The following TLN2 variants were observed in gnomAD, a reference collection of about 807,000 sequenced individuals.
TLN2 encodes talin 2, also known as talin-2.
In TLN2, 118 loss-of-function variants were observed where a neutral mutation model predicts 294.7. The ratio of observed to expected loss-of-function variants is 0.40; its 90% CI spans 0.34 to 0.47. The LOEUF (loss-of-function observed/expected upper bound fraction) is 0.47. Among genes scored for constraint, TLN2 ranks in the 20% least tolerant of loss-of-function variants. The pLI is 0.84. For missense variants in TLN2, 3,083 were observed against 3,282.2 expected (o/e 0.94, Z 1.48); for synonymous variants, 1,431 against 1,304.5 (o/e 1.10, Z -2.09).
chr15:62,595,578 T>C (rs1309825241), intron 2 of TLN2, among the ~76,000 whole-genome samples: 1 of 152,192 alleles, frequency 6.6e-6, no homozygotes, highest in Non-Finnish European at 1.5e-5. Flanking sequence ...ATATGATCCC[T>C]TAATCCAACA....
chr15:62,685,427 T>C (rs74598999), intron 11 of TLN2, among the ~76,000 whole-genome samples: 4,165 of 152,264 alleles, frequency 0.027, 191 homozygotes, highest in African/African-American at 0.095. Flanking sequence ...TTCACTATGA[T>C]GTACTGTGGT....
intron 13 of TLN2, among the ~76,000 whole-genome samples, chr15:62,693,971 T>C (rs8032512): frequency 7.4e-6 from 1 of 134,772 alleles, no homozygotes; most frequent in Non-Finnish European, 1.5e-5. Flanking sequence ...TTTTTTTTTT[T>C]TTTTTTTTTT....
rs1243480747 is a variant in TLN2, at chr15:62,724,976, G to T, written c.3127G>T (p.Ala1043Ser). 1 of 1,610,036 alleles carries T rather than the reference G, an allele frequency of 6.2e-7. No individual in the cohort carries two copies. ...LAELRTASQK[A>S]HEACGPMEID... is the part of the protein sequence containing the mutation. ...TACATATTTCCAACTCTGTTGGCAG[G>T]CCCATGAAGCTTGTGGTCCGATGGA... Residue 1043 changes from alanine (A) to serine (S), a missense_variant and splice_region_variant, in exon 27 of 59, where the codon GCC becomes TCC. Ala to Ser is a moderately conservative substitution (Grantham distance 99). Transcript: ENST00000636159.
At chr15:62,464,271 C>T (rs1353269602) in intron 1 of TLN2, among the ~76,000 whole-genome samples, 2 of 152,148 alleles carry the variant, frequency 1.3e-5, no homozygotes, top group Admixed American at 6.5e-5. Flanking sequence ...ATGTCCTTTG[C>T]AGGGACATGG....
rs376202182 is a variant in TLN2 at position 62,394,213 on chromosome 15, G to A, written c.-238+3528G>A. The stretch of plus-strand genomic sequence containing the variant: ...GTTGCCTGTCTGTTTACCAGTCTGT[G>A]TAGTGGTGTTGTGATGTGTGTGTGG... On this transcript the variant is annotated intron_variant, in intron 1 of 58. Transcript: ENST00000636159. Among the ~76,000 whole-genome samples, 6 of 152,186 alleles carry A rather than the reference G, an allele frequency of 3.9e-5. No homozygotes were observed. In the South Asian group the frequency reaches 6.2e-4, roughly 16 times the overall value.
chr15:62,807,255 T>G (rs4775544), intron 51 of TLN2, among the ~76,000 whole-genome samples: 22 of 152,288 alleles, frequency 1.4e-4, no homozygotes, highest in African/African-American at 5.1e-4. Flanking sequence ...CTGCATGCAT[T>G]GTGGTGTACA....
chr15:62,706,972 C>CT, intron 19 of TLN2, 114 bp from the exon 20 acceptor site: 1 of 1,293,288 alleles, frequency 7.7e-7, no homozygotes, highest in South Asian at 1.9e-5. Flanking sequence ...AGTAAAAAAA[C>CT]TTCTAAAGTA....
At chr15:62,505,123 AT>A (rs200018120) in intron 1 of TLN2, among the ~76,000 whole-genome samples, 1 of 151,616 alleles carries the variant, frequency 6.6e-6, no homozygotes, top group Admixed American at 6.6e-5. Context: ...TGCCCAGCTA[AT>A]TTTTTTGTAT....
chr15:62,582,316 C>T (rs2045197556), intron 1 of TLN2, among the ~76,000 whole-genome samples: 1 of 151,806 alleles, frequency 6.6e-6, no homozygotes, highest in Non-Finnish European at 1.5e-5. Flanking sequence ...GTGTCTGCCC[C>T]AGTTTCTTGG....
At position 62,609,906 on chromosome 15, in the gene TLN2, G is replaced by C. The variant is rs534201090; in HGVS notation, c.-161-8445G>C. Among the ~76,000 whole-genome samples the C allele has an allele frequency of 2.6e-5, 4 of 152,234 alleles. No individual in the cohort carries two copies. In the East Asian group the frequency reaches 5.8e-4, roughly 22 times the overall value. ...TTATTCATCAAGCTATAATGTTACT[G>C]TCATTATTTTGACATTCAAATTGTT... On this transcript the variant is annotated intron_variant, in intron 2 of 58. Coordinates refer to ENST00000636159, the MANE Select transcript of TLN2 (RefSeq NM_015059.3).
chr15:62,556,932 T>C (rs551344342), intron 1 of TLN2, among the ~76,000 whole-genome samples: 6 of 152,330 alleles, frequency 3.9e-5, no homozygotes, highest in South Asian at 2.1e-4. Context: ...GGGGAAAATA[T>C]TTAAGTCATT....
chr15:62,688,327 C>T (rs971456585), intron 12 of TLN2, among the ~76,000 whole-genome samples: 1 of 151,986 alleles, frequency 6.6e-6, no homozygotes. Context: ...TGTCTTTCTA[C>T]TATTGATTTT....
intron 58 of TLN2, 124 bp from the exon 59 acceptor site, chr15:62,840,358 C>T: frequency 7.2e-7 from 1 of 1,382,758 alleles, no homozygotes; most frequent in Non-Finnish European, 9.8e-7. Flanking sequence ...GCTAAGAAAG[C>T]TGTTCCGGAT....
At chr15:62,616,099 T>C (rs995237811) in intron 2 of TLN2, among the ~76,000 whole-genome samples, 3 of 152,232 alleles carry the variant, frequency 2.0e-5, no homozygotes, top group Non-Finnish European at 4.4e-5. Context: ...TAGTAACCTT[T>C]TGTCATTTTC....
chr15:62,761,529 C>T (rs2062670795), intron 37 of TLN2, 152 bp from the exon 38 acceptor site: 1 of 1,072,334 alleles, frequency 9.3e-7, no homozygotes, highest in African/African-American at 1.6e-5. Flanking sequence ...GCAGGGGTCT[C>T]TTTCATCAGT....
intron 3 of TLN2, chr15:62,640,460 C>T: frequency 2.4e-6 from 1 of 421,328 alleles, no homozygotes; most frequent in Non-Finnish European, 4.7e-6. Flanking sequence ...CTGGTCTTGC[C>T]AGGTGGGCAC....
chr15:62,825,119 G>A (rs2067930322), intron 54 of TLN2, among the ~76,000 whole-genome samples: 1 of 152,132 alleles, frequency 6.6e-6, no homozygotes, highest in South Asian at 2.1e-4. Flanking sequence ...CCTGTCTCTG[G>A]AATCCTTCTC....
chr15:62,824,463 A>G (rs1380984889), intron 54 of TLN2, among the ~76,000 whole-genome samples: 1 of 152,252 alleles, frequency 6.6e-6, no homozygotes, highest in Admixed American at 6.5e-5. Flanking sequence ...CAAGGAGCAC[A>G]GATCAGTTTT....
intron 9 of TLN2, among the ~76,000 whole-genome samples, chr15:62,671,724 A>C (rs1396475600): frequency 6.6e-6 from 1 of 152,148 alleles, no homozygotes; most frequent in Non-Finnish European, 1.5e-5. Flanking sequence ...TTAATTTATT[A>C]TTATGTCCTC....
Sources: gnomAD v4.1 joint callset for allele counts (sites outside exome capture counted in the v4.1 genomes callset) on GRCh38, gnomAD v4.1.1 for gene constraint, MANE v1.5 for transcripts, NCBI Gene and HGNC (gene_info 2026-07-23, HGNC 2026-07-21) for gene names.